SERPIND1: variants seen among roughly 807,000 people sequenced by gnomAD.
The protein encoded by SERPIND1 is serpin family D member 1.
SERPIND1 carries 34 observed loss-of-function variants against 35.0 expected under a neutral mutation model. The observed-to-expected ratio is 0.97, with a 90% confidence interval of 0.74 to 1.29. The LOEUF is 1.29. Among genes scored for constraint, SERPIND1 ranks in the 50% most tolerant of loss-of-function variants. The probability of loss-of-function intolerance (pLI) is 0.00; values close to 1 mark genes in which losing one functional copy is unlikely to be tolerated. For synonymous variants in SERPIND1, 236 were observed against 241.1 expected (o/e 0.98, Z 0.19); for missense variants, 633 against 637.7 (o/e 0.99, Z 0.08).
Position 20,779,664 on chromosome 22 carries a change from C to T in SERPIND1, c.352C>T (p.His118Tyr). Residue 118 changes from histidine to tyrosine, a missense_variant, in exon 2 of 5, where the codon CAT (histidine) becomes TAT (tyrosine). Coordinates refer to ENST00000215727, the MANE Select transcript of SERPIND1 (RefSeq NM_000185.4). The stretch of plus-strand genomic sequence containing the variant: ...TGCTGGGAACATCCTCCAGCTTTTT[C>T]ATGGCAAGAGCCGGATCCAGCGTCT... ...VSAGNILQLF[H>Y]GKSRIQRLNI... is the part of the protein sequence containing the mutation. The T allele has an allele frequency of 6.2e-7, 1 of 1,614,068 alleles. No individual in the cohort carries two copies. Among genetic ancestry groups the T allele is most frequent in the South Asian group, 1.1e-5 (1 of 91,084 alleles).
chr22:20,785,886 A>G lies in SERPIND1; in HGVS notation c.1164-118A>G, dbSNP rs916791678. On this transcript the variant is annotated intron_variant, in intron 3 of 4. Coordinates refer to ENST00000215727, the MANE Select transcript of SERPIND1 (RefSeq NM_000185.4). The stretch of plus-strand genomic sequence containing the variant: ...TGACAGTCCCGGAATATAAATTTTA[A>G]TAAGTGCTATATCAATTCTGTGATA... 5.8e-6 allele frequency: 8 copies of G among 1,386,132 alleles called. No homozygotes were observed. The African/African-American group carries it at 7.1e-5, about 12-fold the overall frequency. The allele number at this position is 1,386,132 out of a possible 1,614,324, so 85.9% of individuals were successfully genotyped here. A position where few individuals can be genotyped will look rare whatever the true frequency, so the allele number is the denominator to read the frequency against.
intron 1 of SERPIND1, among the ~76,000 whole-genome samples, chr22:20,775,792 C>T (rs1470492784): frequency 6.6e-6 from 1 of 152,146 alleles, no homozygotes; most frequent in Non-Finnish European, 1.5e-5. Flanking sequence ...GCCTGGTCTT[C>T]TTCTTCTTGA....
In SERPIND1 at chr22:20,787,148, G is replaced by C; in HGVS notation, c.*82G>C. ...CCAACAACGAGAACAGAGATGTTCT[G>C]GCATCATTTACGTAGTTTACGCTAC... is the stretch of plus-strand genomic sequence containing the variant. On this transcript the variant is annotated 3_prime_UTR_variant, in exon 5 of 5. Transcript: ENST00000215727. The C allele has an allele frequency of 1.1e-5, 14 of 1,272,222 alleles. No individual in the cohort carries two copies. Among genetic ancestry groups the C allele is most frequent in the Non-Finnish European group, 1.5e-5 (13 of 874,594 alleles). The allele number at this position is 1,272,222 out of a possible 1,614,324, so 78.8% of individuals were successfully genotyped here.
intron 2 of SERPIND1, among the ~76,000 whole-genome samples, chr22:20,781,762 G>A (rs1933819697): frequency 6.6e-6 from 1 of 152,230 alleles, no homozygotes; most frequent in Non-Finnish European, 1.5e-5. Context: ...TTCATTACAG[G>A]TTATTAGTAC....
chr22:20,786,872 C>T lies in SERPIND1; in HGVS notation c.1309-3C>T, dbSNP rs200548385. On this transcript the variant is annotated splice_region_variant and splice_polypyrimidine_tract_variant and intron_variant, in intron 4 of 4. Coordinates refer to ENST00000215727, the MANE Select transcript of SERPIND1 (RefSeq NM_000185.4). Reference sequence around the variant, plus strand: ...GAATCTGACAACTTTCCTTTCCAAACAGTTCAAGCACCAAGGCACGATCAC... The same window carrying T: ...GAATCTGACAACTTTCCTTTCCAAATAGTTCAAGCACCAAGGCACGATCAC... 2.0e-4 allele frequency: 324 copies of T among 1,614,172 alleles called. 2 individuals carry two copies. The highest frequency in any genetic ancestry group is 7.5e-5 in the Non-Finnish European group (89 of 1,180,014).
In SERPIND1 at chr22:20,779,954, T is replaced by G; in HGVS notation, c.642T>G (p.Phe214Leu). 1 of 1,614,216 alleles carries G rather than the reference T, an allele frequency of 6.2e-7. No individual in the cohort carries two copies. Among genetic ancestry groups the G allele is most frequent in the Non-Finnish European group, 8.5e-7 (1 of 1,180,042 alleles). Residue 214 changes from phenylalanine to leucine, a missense_variant, in exon 2 of 5, where the codon TTT (phenylalanine) becomes TTG (leucine). Phe to Leu is a conservative substitution (Grantham distance 22, BLOSUM62 0). Transcript: ENST00000215727. ...CTCATCGCCTCTTCAGGAGGAATTT[T>G]GGGTACACACTGCGGTCAGTCAATG... ...KLTHRLFRRN[F>L]GYTLRSVNDL...
At chr22:20,785,636 G>T (rs966770082) in intron 3 of SERPIND1, among the ~76,000 whole-genome samples, 1 of 151,842 alleles carries the variant, frequency 6.6e-6, no homozygotes, top group African/African-American at 2.4e-5. Flanking sequence ...CCAGATATTC[G>T]ACTCCTTAAT....
rs1934027651 is a variant in SERPIND1, at chr22:20,784,240, A to G, written c.1158A>G (p.Thr386=). 1.2e-6 allele frequency: 2 copies of G among 1,614,134 alleles called. No homozygotes were observed. Among genetic ancestry groups the G allele is most frequent in the East Asian group, 4.5e-5 (2 of 44,888 alleles). The part of the protein sequence containing the change: ...RVVERWQKSM[T]NRTREVLLPK... ...TGGAGAGATGGCAAAAAAGCATGAC[A>G]AACAGGTATTTCACACTGTGTGTTT... The change falls in exon 3 of 5, where the codon ACA becomes ACG. Residue 386 remains threonine, a synonymous_variant. Transcript: ENST00000215727.
Position 20,779,372 on chromosome 22 carries a change from G to A in SERPIND1, c.60G>A (p.Gly20=). Residue 20 remains glycine (G), a synonymous_variant, in exon 2 of 5, where the codon GGG becomes GGA. Transcript: ENST00000215727. Reference sequence around the variant, plus strand: ...TCATCATAACATCTGCGTGGGGTGGGAGCAAAGGCCCGCTGGATCAGCTAG... The same window carrying A: ...TCATCATAACATCTGCGTGGGGTGGAAGCAAAGGCCCGCTGGATCAGCTAG... The part of the protein sequence containing the change: ...IFLIITSAWG[G]SKGPLDQLEK... 6.2e-7 allele frequency: 1 copy of A among 1,614,212 alleles called. No individual in the cohort carries two copies. The highest frequency in any genetic ancestry group is 8.5e-7 in the Non-Finnish European group (1 of 1,180,034).
chr22:20,787,004 T>C lies in SERPIND1; in HGVS notation c.1438T>C (p.Tyr480His), dbSNP rs778094795. Reference sequence around the variant, plus strand: ...CGACCGCCCCTTTCTTTTCCTCATCTACGAGCATCGCACCAGCTGCCTGCT... The same window carrying C: ...CGACCGCCCCTTTCTTTTCCTCATCCACGAGCATCGCACCAGCTGCCTGCT... ...TVDRPFLFLI[Y>H]EHRTSCLLFM... is the part of the protein sequence containing the mutation. The change falls in exon 5 of 5, where the codon TAC becomes CAC. Residue 480 changes from tyrosine (Y) to histidine (H), a missense_variant. Physicochemically the swap from Tyr to His is moderately conservative, Grantham distance 83 (BLOSUM62 2). Transcript: ENST00000215727. 1.6e-5 allele frequency: 26 copies of C among 1,614,050 alleles called. No individual in the cohort carries two copies. The highest frequency in any genetic ancestry group is 2.0e-5 in the Non-Finnish European group (24 of 1,180,024).
chr22:20,779,899 C>T lies in SERPIND1; in HGVS notation c.587C>T (p.Thr196Met), dbSNP rs371866990. 5.3e-5 allele frequency: 85 copies of T among 1,614,124 alleles called. No individual in the cohort carries two copies. The highest frequency in any genetic ancestry group is 6.8e-5 in the Non-Finnish European group (80 of 1,180,050). The change falls in exon 2 of 5, where the codon ACG (threonine) becomes ATG (methionine). Residue 196 changes from threonine to methionine, a missense_variant. By Grantham distance (81) the Thr-to-Met change is moderately conservative. Coordinates refer to ENST00000215727, the MANE Select transcript of SERPIND1 (RefSeq NM_000185.4). Reference sequence around the variant, plus strand: ...AATGCCAGCAGCAAGTATGAAATCACGACCATTCATAATCTCTTCCGTAAG... The same window carrying T: ...AATGCCAGCAGCAAGTATGAAATCATGACCATTCATAATCTCTTCCGTAAG... ...FVNASSKYEI[T>M]TIHNLFRKLT...
rs1478251413 is a variant in SERPIND1, at chr22:20,784,143, G to C, written c.1061G>C (p.Ser354Thr). The C allele has an allele frequency of 1.2e-6, 2 of 1,614,182 alleles. No homozygotes were observed. The highest frequency in any genetic ancestry group is 1.6e-4 in the Middle Eastern group (1 of 6,062). Residue 354 changes from serine to threonine, a missense_variant, in exon 3 of 5, where the codon AGC becomes ACC. Physicochemically the swap from Ser to Thr is moderately conservative, Grantham distance 58. Transcript: ENST00000215727. ...CAGCTGGAATACGTGGGGGGCATCA[G>C]CATGCTAATTGTGGTCCCACACAAG... ...ILQLEYVGGI[S>T]MLIVVPHKMS...
At chr22:20,778,402 G>A (rs1387644831) in intron 1 of SERPIND1, among the ~76,000 whole-genome samples, 2 of 152,090 alleles carry the variant, frequency 1.3e-5, no homozygotes, top group Non-Finnish European at 2.9e-5. Flanking sequence ...TACTTGGGAG[G>A]CTGAGGCAAG....
intron 1 of SERPIND1, among the ~76,000 whole-genome samples, chr22:20,776,343 G>A (rs1004617302): frequency 6.6e-6 from 1 of 152,056 alleles, no homozygotes; most frequent in African/African-American, 2.4e-5. Flanking sequence ...AAAATAAAAA[G>A]AAATCGTTTC....
chr22:20,775,105 G>A (rs866788872), intron 1 of SERPIND1, among the ~76,000 whole-genome samples: 11 of 152,118 alleles, frequency 7.2e-5, no homozygotes, highest in African/African-American at 1.9e-4. Flanking sequence ...GAGGGATGAC[G>A]GTTTATCAAG....
intron 2 of SERPIND1, among the ~76,000 whole-genome samples, chr22:20,783,104 C>T (rs77483801): frequency 2.5e-3 from 376 of 152,302 alleles, no homozygotes; most frequent in African/African-American, 8.2e-3. Context: ...GAAGAATGCC[C>T]GGCACATGGC....
chr22:20,779,526 G>T lies in SERPIND1; in HGVS notation c.214G>T (p.Glu72Ter). The T allele has an allele frequency of 6.2e-7, 1 of 1,613,984 alleles. No individual in the cohort carries two copies. Among genetic ancestry groups the T allele is most frequent in the Non-Finnish European group, 8.5e-7 (1 of 1,179,806 alleles). Residue 72 changes from glutamate (E) to a stop codon, truncating the protein, a stop_gained, in exon 2 of 5, where the codon GAG becomes TAG. Transcript: ENST00000215727. LOFTEE classifies it high-confidence loss of function. ...ENTVTNDWIP[E>*]GEEDDDYLDL... ...CACCGTCACCAACGACTGGATTCCA[G>T]AGGGGGAGGAGGACGACGACTATCT...
rs376319895 is a variant in SERPIND1 at position 20,779,306 on chromosome 22, C to T, written c.-7C>T. ...CTGTTTTCCCTCCCAGCTTTAGCTC[C>T]GCCAAAATGAAACACTCATTAAACG... On this transcript the variant is annotated 5_prime_UTR_variant, in exon 2 of 5. Transcript: ENST00000215727. The T allele has an allele frequency of 8.6e-5, 139 of 1,614,176 alleles. No homozygotes were observed. The African/African-American group carries it at 9.5e-4, about 11-fold the overall frequency.
intron 3 of SERPIND1, 76 bp downstream of exon 3, chr22:20,784,321 T>TA (rs1934037065): frequency 6.3e-7 from 1 of 1,589,562 alleles, no homozygotes; most frequent in African/African-American, 1.3e-5. Flanking sequence ...AAATGGATCA[T>TA]TTTTTTAAAA....
Sources: gnomAD v4.1 joint callset for allele counts (sites outside exome capture counted in the v4.1 genomes callset) on GRCh38, gnomAD v4.1.1 for gene constraint, MANE v1.5 for transcripts, NCBI Gene and HGNC (gene_info 2026-07-23, HGNC 2026-07-21) for gene names.